The following CAMTA1 variants were observed in gnomAD, a reference collection of about 807,000 sequenced individuals.
The protein encoded by CAMTA1 is calmodulin-binding transcription activator 1.
CAMTA1 carries 27 observed loss-of-function variants against 170.9 expected under a neutral mutation model. The ratio of observed to expected loss-of-function variants is 0.16; its 90% confidence interval spans 0.12 to 0.22. The LOEUF (loss-of-function observed/expected upper bound fraction) is 0.22. CAMTA1 is among the 10% of genes least tolerant of loss of function. The pLI is 1.00. For synonymous variants in CAMTA1, 833 were observed against 891.5 expected, an observed-to-expected ratio of 0.93 and a Z score of 1.17; for missense variants, 1,619 against 2,217.2, an observed-to-expected ratio of 0.73 and a Z score of 5.42.
chr1:6,878,097 T>G (rs1411236525), intron 3 of CAMTA1, among the ~76,000 whole-genome samples: 2 of 152,262 alleles, frequency 1.3e-5, no homozygotes, highest in Non-Finnish European at 2.9e-5. Flanking sequence ...CAGATGGTTC[T>G]TATCCCTGCA....
intron 1 of CAMTA1, among the ~76,000 whole-genome samples, chr1:6,814,425 T>C (rs1414787587): frequency 1.3e-5 from 2 of 152,150 alleles, no homozygotes; most frequent in African/African-American, 4.8e-5. Context: ...CCTGAAACTC[T>C]TGAGGCATGG....
At chr1:7,346,695 A>G (rs139709210) in intron 5 of CAMTA1, among the ~76,000 whole-genome samples, 3 of 152,200 alleles carry the variant, frequency 2.0e-5, no homozygotes, top group Non-Finnish European at 2.9e-5. Context: ...GGGGACTGTC[A>G]TTCTCCCAGC....
At chr1:6,815,606 A>G (rs17029884) in intron 1 of CAMTA1, among the ~76,000 whole-genome samples, 5,026 of 152,268 alleles carry the variant, frequency 0.033, 289 homozygotes, top group African/African-American at 0.11. Flanking sequence ...GTTTTGTATT[A>G]TGTACTAACA....
At chr1:6,928,900 A>G (rs1201168516) in intron 3 of CAMTA1, among the ~76,000 whole-genome samples, 1 of 152,204 alleles carries the variant, frequency 6.6e-6, no homozygotes, top group Non-Finnish European at 1.5e-5. Context: ...ATCTGCATCT[A>G]CCATGTTCAC....
rs1282362589 is a variant in CAMTA1, at chr1:7,194,182, T to C, written c.303-55309T>C. Reference sequence around the variant, plus strand: ...CAAACCAAAAACACTTTTACCAAATTCCTTCCCTTTACAATCCCCTACCGT... The same window carrying C: ...CAAACCAAAAACACTTTTACCAAATCCCTTCCCTTTACAATCCCCTACCGT... On this transcript the variant is annotated intron_variant, in intron 4 of 22. Coordinates refer to ENST00000303635, the MANE Select transcript of CAMTA1 (RefSeq NM_015215.4). Among the ~76,000 whole-genome samples, 5 of 152,216 alleles carry C rather than the reference T, an allele frequency of 3.3e-5. No individual in the cohort carries two copies. The East Asian group carries it at 9.6e-4, about 29-fold the overall frequency.
At chr1:7,342,391 T>TG (rs1171975330) in intron 5 of CAMTA1, among the ~76,000 whole-genome samples, 2 of 152,126 alleles carry the variant, frequency 1.3e-5, no homozygotes, top group African/African-American at 4.8e-5. Flanking sequence ...TGAGCCATCA[T>TG]GGGGGCACAG....
At chr1:7,414,691 G>C (rs1426382245) in intron 5 of CAMTA1, among the ~76,000 whole-genome samples, 1 of 151,526 alleles carries the variant, frequency 6.6e-6, no homozygotes, top group Non-Finnish European at 1.5e-5. Context: ...CAATTTTGTT[G>C]ATCTTTTAAA....
At chr1:7,190,415 G>C (rs1654295075) in intron 4 of CAMTA1, among the ~76,000 whole-genome samples, 2 of 152,046 alleles carry the variant, frequency 1.3e-5, no homozygotes, top group South Asian at 4.2e-4. Flanking sequence ...ATATAATGAT[G>C]TACTATATGT....
chr1:7,166,361 C>T (rs1002000489), intron 4 of CAMTA1, among the ~76,000 whole-genome samples: 16 of 152,144 alleles, frequency 1.1e-4, no homozygotes, highest in African/African-American at 2.2e-4. Context: ...CCACCGCGTC[C>T]GGCCTACTTG....
chr1:7,594,511 T>C (rs1487139810), intron 6 of CAMTA1, among the ~76,000 whole-genome samples: 1 of 152,082 alleles, frequency 6.6e-6, no homozygotes, highest in African/African-American at 2.4e-5. Flanking sequence ...CATGATCTGA[T>C]TGATGTGTTT....
chr1:7,001,027 A>G (rs985069712), intron 3 of CAMTA1, among the ~76,000 whole-genome samples: 1 of 152,188 alleles, frequency 6.6e-6, no homozygotes, highest in Non-Finnish European at 1.5e-5. Context: ...TTACATATTT[A>G]TAATTGTCGT....
At chr1:7,310,680 C>CTTTCTTTCTTTCTTTCTT (rs71571884) in intron 5 of CAMTA1, among the ~76,000 whole-genome samples, 1 of 35,394 alleles carries the variant, frequency 2.8e-5, no homozygotes, top group Non-Finnish European at 5.1e-5. Flanking sequence ...TCCTTTCTTT[C>CTTTCTTTCTTTCTTTCTT]TCTCTCTCTC....
intron 4 of CAMTA1, among the ~76,000 whole-genome samples, chr1:7,228,554 A>G (rs1036737710): frequency 1.3e-5 from 2 of 152,158 alleles, no homozygotes; most frequent in African/African-American, 4.8e-5. Context: ...ACTCTTCTAG[A>G]TCTGCAGAAG....
chr1:6,862,462 A>G (rs1329503245), intron 3 of CAMTA1, among the ~76,000 whole-genome samples: 1 of 152,226 alleles, frequency 6.6e-6, no homozygotes, highest in Non-Finnish European at 1.5e-5. Flanking sequence ...GGTATTTTGA[A>G]TAATGCCATG....
intron 3 of CAMTA1, among the ~76,000 whole-genome samples, chr1:6,873,877 A>C (rs1311915082): frequency 6.6e-6 from 1 of 152,226 alleles, no homozygotes; most frequent in African/African-American, 2.4e-5. Context: ...TTTGAGAGTC[A>C]GGTAACCTGC....
intron 4 of CAMTA1, among the ~76,000 whole-genome samples, chr1:7,215,954 A>G (rs1659675976): frequency 6.6e-6 from 1 of 152,222 alleles, no homozygotes; most frequent in South Asian, 2.1e-4. Context: ...AGTATGAAGT[A>G]TGACTGTATT....
chr1:7,422,503 G>T (rs200066881), intron 5 of CAMTA1, among the ~76,000 whole-genome samples: 1 of 152,120 alleles, frequency 6.6e-6, no homozygotes, highest in Non-Finnish European at 1.5e-5. Flanking sequence ...GTGCTGGGGG[G>T]ATCTGTGCTG....
At chr1:6,812,845 C>G (rs1326857907) in intron 1 of CAMTA1, among the ~76,000 whole-genome samples, 2 of 152,218 alleles carry the variant, frequency 1.3e-5, no homozygotes, top group South Asian at 4.1e-4. Flanking sequence ...GTGTCAGCCT[C>G]TTAGAACTTG....
intron 5 of CAMTA1, among the ~76,000 whole-genome samples, chr1:7,328,787 T>C (rs946457629): frequency 6.6e-6 from 1 of 152,166 alleles, no homozygotes; most frequent in Admixed American, 6.5e-5. Flanking sequence ...TCTATTTACC[T>C]TTTCCCCCCA....
Sources: gnomAD v4.1 joint callset for allele counts (sites outside exome capture counted in the v4.1 genomes callset) on GRCh38, gnomAD v4.1.1 for gene constraint, MANE v1.5 for transcripts, NCBI Gene and HGNC (gene_info 2026-07-23, HGNC 2026-07-21) for gene names.